The following TRPM3 variants were observed in gnomAD, a reference collection of about 807,000 sequenced individuals.
TRPM3 encodes long transient receptor potential channel 3.
In TRPM3, 77 loss-of-function variants were observed where a neutral mutation model predicts 181.2. That is an observed-to-expected ratio of 0.42 (90% CI 0.35 to 0.51). The LOEUF (loss-of-function observed/expected upper bound fraction) is 0.51, where lower values mean the gene tolerates loss of function less well. Among genes scored for constraint, TRPM3 ranks in the 20% least tolerant of loss-of-function variants. The pLI, the probability that TRPM3 is intolerant of heterozygous loss-of-function variation, is 0.01. For synonymous variants in TRPM3, 745 were observed against 796.4 expected, an observed-to-expected ratio of 0.94 and a Z score of 1.09; for missense variants, 1,759 against 2,196.7, an observed-to-expected ratio of 0.80 and a Z score of 3.98.
At chr9:71,083,029 T>G (rs575430731) in intron 1 of TRPM3, among the ~76,000 whole-genome samples, 59 of 152,198 alleles carry the variant, frequency 3.9e-4, no homozygotes, top group Admixed American at 1.0e-3. Flanking sequence ...TCTATGTGTG[T>G]GTGTTCCAGG....
At chr9:71,120,064 T>G (rs1644206581) in intron 1 of TRPM3, among the ~76,000 whole-genome samples, 1 of 152,208 alleles carries the variant, frequency 6.6e-6, no homozygotes, top group Non-Finnish European at 1.5e-5. Context: ...ACCACTTAGC[T>G]GTATGGAACT....
chr9:71,237,156 G>A (rs1418813965), intron 1 of TRPM3, among the ~76,000 whole-genome samples: 2 of 151,988 alleles, frequency 1.3e-5, no homozygotes, highest in African/African-American at 4.8e-5. Context: ...TAAAATAAAG[G>A]CAGGTATAGT....
In TRPM3 at chr9:70,640,560, C is replaced by T. The variant is rs959706842; in HGVS notation, c.1446G>A (p.Pro482=). 6.2e-7 allele frequency: 1 copy of T among 1,612,168 alleles called. No homozygotes were observed. Among genetic ancestry groups the T allele is most frequent in the Non-Finnish European group, 8.5e-7 (1 of 1,179,022 alleles). The change falls in exon 10 of 26, where the codon CCG becomes CCA. Residue 482 remains proline (P), a splice_region_variant and synonymous_variant. Coordinates refer to ENST00000677713, the MANE Select transcript of TRPM3 (RefSeq NM_001366145.2). The part of the protein sequence containing the change: ...SQIFIYGQQW[P]VGSLEQAMLD... ...TCATGGGAGACGATATATACTCTACCGGCCACTGTTGCCCGTAAATAAAGA... is the reference window on the plus strand; with the variant it reads ...TCATGGGAGACGATATATACTCTACTGGCCACTGTTGCCCGTAAATAAAGA...
chr9:70,990,850 C>A (rs1408576498), intron 1 of TRPM3, among the ~76,000 whole-genome samples: 1 of 152,180 alleles, frequency 6.6e-6, no homozygotes, highest in African/African-American at 2.4e-5. Context: ...ACAACTGTCT[C>A]ACTCCTGACA....
intron 22 of TRPM3, among the ~76,000 whole-genome samples, chr9:70,588,751 C>T (rs1193585589): frequency 6.6e-6 from 1 of 152,240 alleles, no homozygotes; most frequent in Non-Finnish European, 1.5e-5. Flanking sequence ...GTACTTGGGA[C>T]TCCAGAGCAG....
chr9:70,751,812 C>A (rs984595698), intron 8 of TRPM3, among the ~76,000 whole-genome samples: 4 of 151,960 alleles, frequency 2.6e-5, no homozygotes, highest in African/African-American at 9.7e-5. Flanking sequence ...AGAAGAGGGG[C>A]ACTACTTCCT....
intron 9 of TRPM3, among the ~76,000 whole-genome samples, chr9:70,667,880 C>A (rs2062065637): frequency 2.0e-5 from 3 of 152,322 alleles, no homozygotes; most frequent in Middle Eastern, 6.8e-3. Flanking sequence ...ATGGCCCCAA[C>A]TTCTCTGCAA....
intron 1 of TRPM3, among the ~76,000 whole-genome samples, chr9:70,911,323 G>A (rs1476397054): frequency 6.6e-6 from 1 of 152,010 alleles, no homozygotes; most frequent in African/African-American, 2.4e-5. Context: ...CCTGTTTTTT[G>A]AACAACTTTT....
chr9:71,227,087 C>T (rs186521860), intron 1 of TRPM3, among the ~76,000 whole-genome samples: 4 of 115,208 alleles, frequency 3.5e-5, no homozygotes, highest in Admixed American at 1.2e-4. Context: ...CCAGTCTGGG[C>T]GGCAGCATGA....
At chr9:71,277,725 C>T (rs146673670) in intron 1 of TRPM3, among the ~76,000 whole-genome samples, 2 of 152,208 alleles carry the variant, frequency 1.3e-5, no homozygotes, top group Non-Finnish European at 2.9e-5. Context: ...CTTCTCATGG[C>T]AATATTTTAA....
chr9:71,099,616 C>A (rs192828641), intron 1 of TRPM3, among the ~76,000 whole-genome samples: 36 of 152,192 alleles, frequency 2.4e-4, no homozygotes, highest in South Asian at 8.3e-4. Flanking sequence ...GGTTCCCCCC[C>A]TCAAAAAACC....
intron 8 of TRPM3, among the ~76,000 whole-genome samples, chr9:70,695,364 C>T (rs2070024012): frequency 1.3e-5 from 2 of 152,214 alleles, no homozygotes; most frequent in Non-Finnish European, 2.9e-5. Flanking sequence ...AGTCACACAG[C>T]ACAATTTCTA....
Position 70,535,528 on chromosome 9 carries a change from T to C in TRPM3, c.*425A>G. ...GTTTAGAATATCTCATTGTGTACGC[T>C]GGCTATTTTATTTTATTTTGCAATT... On this transcript the variant is annotated 3_prime_UTR_variant, in exon 26 of 26. Transcript: ENST00000677713. 6.5e-7 allele frequency: 1 copy of C among 1,547,288 alleles called. No individual in the cohort carries two copies. Among genetic ancestry groups the C allele is most frequent in the Non-Finnish European group, 8.7e-7 (1 of 1,146,288 alleles).
At chr9:71,277,145 A>T (rs1055739323) in intron 1 of TRPM3, among the ~76,000 whole-genome samples, 2 of 152,208 alleles carry the variant, frequency 1.3e-5, no homozygotes, top group African/African-American at 4.8e-5. Flanking sequence ...TTTTAAAGAA[A>T]AGTTATTAAG....
chr9:71,253,048 T>C (rs1192804584), intron 1 of TRPM3, among the ~76,000 whole-genome samples: 1 of 152,004 alleles, frequency 6.6e-6, no homozygotes, highest in Non-Finnish European at 1.5e-5. Context: ...TCAACATCCT[T>C]TTGGCTCCTA....
chr9:70,546,322 A>G (rs1017721564), intron 25 of TRPM3, among the ~76,000 whole-genome samples: 2 of 152,224 alleles, frequency 1.3e-5, no homozygotes, highest in African/African-American at 4.8e-5. Context: ...GCCTTACTGC[A>G]GATCTAGTGA....
intron 1 of TRPM3, among the ~76,000 whole-genome samples, chr9:71,398,617 C>T (rs1260909255): frequency 1.3e-5 from 2 of 152,154 alleles, no homozygotes; most frequent in Admixed American, 1.3e-4. Flanking sequence ...GTGCTTATTT[C>T]CCCTTTGCCT....
chr9:70,965,180 A>G (rs1035054895), intron 1 of TRPM3, among the ~76,000 whole-genome samples: 5 of 152,014 alleles, frequency 3.3e-5, no homozygotes, highest in Non-Finnish European at 7.4e-5. Flanking sequence ...TTTGGCACAT[A>G]AAATAGTTCC....
chr9:71,296,357 G>A (rs73649712), intron 1 of TRPM3, among the ~76,000 whole-genome samples: 5,206 of 152,238 alleles, frequency 0.034, 286 homozygotes, highest in African/African-American at 0.12. Flanking sequence ...AATCCAGATA[G>A]AGTGTGTTGG....
Sources: gnomAD v4.1 joint callset for allele counts (sites outside exome capture counted in the v4.1 genomes callset) on GRCh38, gnomAD v4.1.1 for gene constraint, MANE v1.5 for transcripts, NCBI Gene and HGNC (gene_info 2026-07-23, HGNC 2026-07-21) for gene names.